The following MYO5A variants were observed in gnomAD, a reference collection of about 807,000 sequenced individuals.
MYO5A encodes myosin VA.
Under a neutral mutation model 249.7 loss-of-function variants are expected in MYO5A, and 98 were observed. That is an observed-to-expected ratio of 0.39 (90% CI 0.33 to 0.46). MYO5A has a LOEUF of 0.46. MYO5A is among the 20% of genes least tolerant of loss of function. MYO5A has a pLI of 0.98. For synonymous variants in MYO5A, 778 were observed against 810.6 expected (o/e 0.96, Z 0.68); for missense variants, 1,696 against 2,308.8 (o/e 0.73, Z 5.44).
chr15:52,395,997 T>A (rs1054846875), intron 11 of MYO5A, among the ~76,000 whole-genome samples: 1 of 152,142 alleles, frequency 6.6e-6, no homozygotes, highest in Non-Finnish European at 1.5e-5. Context: ...ACAATAAACT[T>A]CAAAATAACA....
chr15:52,437,939 CACCCTGATA>C, intron 1 of MYO5A: 2 of 728,888 alleles, frequency 2.7e-6, no homozygotes, highest in Non-Finnish European at 3.4e-6. Context: ...CACTGAACAC[CACCCTGATA>C]ACCAATTTCC....
intron 1 of MYO5A, chr15:52,438,021 A>C: frequency 1.0e-6 from 1 of 984,704 alleles, no homozygotes. Context: ...AAACCATTCT[A>C]TTATTACCAT....
intron 24 of MYO5A, among the ~76,000 whole-genome samples, chr15:52,363,284 T>C (rs1438185602): frequency 6.6e-6 from 1 of 152,230 alleles, no homozygotes; most frequent in East Asian, 1.9e-4. Context: ...AAGGTTTCAA[T>C]GGGACCAACG....
At chr15:52,499,306 T>A (rs1367897210) in intron 1 of MYO5A, among the ~76,000 whole-genome samples, 1 of 152,200 alleles carries the variant, frequency 6.6e-6, no homozygotes, top group Non-Finnish European at 1.5e-5. Flanking sequence ...TGGATTTTCT[T>A]TTTTTATTAT....
At chr15:52,326,399 T>C (rs1247470234) in intron 36 of MYO5A, among the ~76,000 whole-genome samples, 1 of 152,240 alleles carries the variant, frequency 6.6e-6, no homozygotes, top group East Asian at 1.9e-4. Context: ...ATGAATTATG[T>C]TGGGAAGACA....
chr15:52,502,453 G>C (rs2077179423), intron 1 of MYO5A, among the ~76,000 whole-genome samples: 1 of 152,130 alleles, frequency 6.6e-6, no homozygotes, highest in Admixed American at 6.5e-5. Context: ...TTGTACATAA[G>C]ATCTAAATAT....
At chr15:52,316,820 CAATA>C (rs1260752432) in intron 40 of MYO5A, among the ~76,000 whole-genome samples, 1 of 152,106 alleles carries the variant, frequency 6.6e-6, no homozygotes, top group Non-Finnish European at 1.5e-5. Context: ...TGTAAGTACT[CAATA>C]AATATTTGCT....
intron 11 of MYO5A, among the ~76,000 whole-genome samples, chr15:52,393,233 G>T (rs1377075865): frequency 2.6e-5 from 4 of 152,088 alleles, no homozygotes; most frequent in Non-Finnish European, 5.9e-5. Context: ...GACTTTCGTG[G>T]TGATGATCAA....
intron 20 of MYO5A, 52 bp from the exon 21 acceptor site, chr15:52,372,415 G>A (rs777565157): frequency 1.3e-6 from 2 of 1,594,824 alleles, no homozygotes; most frequent in Non-Finnish European, 8.5e-7. Context: ...CTACACTCAT[G>A]ATTATCAATC....
At chr15:52,346,523 A>G in intron 29 of MYO5A, 62 bp from the exon 30 acceptor site, 1 of 1,074,394 alleles carries the variant, frequency 9.3e-7, no homozygotes, top group Non-Finnish European at 1.4e-6. Flanking sequence ...GACATAAAAC[A>G]CATTTATTTG....
chr15:52,505,320 A>G lies in MYO5A; in HGVS notation c.27+23460T>C, dbSNP rs912853459. The G allele has an allele frequency of 7.7e-6, 6 of 777,176 alleles. No homozygotes were observed. In the African/African-American group the frequency reaches 1.0e-4, roughly 13 times the overall value. The allele number at this position is 777,176 out of a possible 1,614,324, so 48.1% of individuals were successfully genotyped here. A position where few individuals can be genotyped will look rare whatever the true frequency, so the allele number is the denominator to read the frequency against. ...CAGTATTTGAAGCAGTGCCCCGCCC[A>G]CTGCCTGCCGACTTGTGTCATGCTC... On this transcript the variant is annotated intron_variant, in intron 1 of 41. Coordinates refer to ENST00000399233, the MANE Select transcript of MYO5A (RefSeq NM_001382347.1).
intron 20 of MYO5A, among the ~76,000 whole-genome samples, chr15:52,373,974 T>G (rs899042656): frequency 2.0e-5 from 3 of 151,580 alleles, no homozygotes; most frequent in Non-Finnish European, 4.4e-5. Context: ...AATAAATAAA[T>G]AAATAAATAA....
chr15:52,340,170 C>G, intron 32 of MYO5A, 26 bp downstream of exon 32: 9 of 1,613,170 alleles, frequency 5.6e-6, no homozygotes, highest in Non-Finnish European at 7.6e-6. Context: ...GGTTAAGAAG[C>G]ATGTGGACCC....
At chr15:52,524,182 G>A (rs952008580) in intron 1 of MYO5A, among the ~76,000 whole-genome samples, 3 of 152,138 alleles carry the variant, frequency 2.0e-5, no homozygotes, top group Non-Finnish European at 2.9e-5. Flanking sequence ...CAGCACACAT[G>A]GGAACCTCCT....
At chr15:52,378,631 A>AC (rs1327456233) in intron 18 of MYO5A, among the ~76,000 whole-genome samples, 3 of 151,466 alleles carry the variant, frequency 2.0e-5, no homozygotes, top group South Asian at 4.2e-4. Flanking sequence ...AATATTATTA[A>AC]CAAAAAAAAG....
At chr15:52,388,035 T>C in intron 13 of MYO5A, 123 bp from the exon 14 acceptor site, 1 of 744,336 alleles carries the variant, frequency 1.3e-6, no homozygotes, top group South Asian at 1.6e-5. Context: ...ACTGGTATTA[T>C]CAGTCTTTTC....
intron 13 of MYO5A, among the ~76,000 whole-genome samples, chr15:52,388,726 A>T (rs555728179): frequency 5.9e-5 from 9 of 152,220 alleles, no homozygotes; most frequent in African/African-American, 9.6e-5. Flanking sequence ...TCAATTGCAG[A>T]GGGTGACACA....
intron 1 of MYO5A, among the ~76,000 whole-genome samples, chr15:52,496,370 G>T (rs942325172): frequency 2.7e-5 from 4 of 150,170 alleles, no homozygotes; most frequent in Non-Finnish European, 5.9e-5. Flanking sequence ...AAGTTTACAG[G>T]TGTAACTACA....
chr15:52,514,372 T>C (rs186995497), intron 1 of MYO5A, among the ~76,000 whole-genome samples: 5 of 152,238 alleles, frequency 3.3e-5, no homozygotes, highest in Admixed American at 6.5e-5. Flanking sequence ...AAAGGGGAGA[T>C]AGACAACTGC....
Sources: allele counts gnomAD v4.1 joint callset (sites outside exome capture counted in the v4.1 genomes callset), GRCh38; gene constraint gnomAD v4.1.1; transcripts MANE v1.5; gene names NCBI Gene and HGNC (gene_info 2026-07-23, HGNC 2026-07-21).